The following TAFA4 variants were observed in gnomAD, a reference collection of about 807,000 sequenced individuals.
TAFA4 encodes the protein chemokine-like protein TAFA-4.
In TAFA4, 20 loss-of-function variants were observed where a neutral mutation model predicts 21.1. That is an observed-to-expected ratio of 0.95 (90% CI 0.67 to 1.38). The LOEUF is 1.38. Among genes scored for constraint, TAFA4 ranks in the 40% most tolerant of loss-of-function variants. The probability of loss-of-function intolerance (pLI) is 0.00; values close to 1 mark genes in which losing one functional copy is unlikely to be tolerated. For missense variants in TAFA4, 211 were observed against 180.9 expected (o/e 1.17, Z -0.95); for synonymous variants, 71 against 67.4 (o/e 1.05, Z -0.26).
intron 3 of TAFA4, among the ~76,000 whole-genome samples, chr3:68,820,082 A>G (rs1275718398): frequency 6.6e-6 from 1 of 152,220 alleles, no homozygotes; most frequent in Non-Finnish European, 1.5e-5. Context: ...GCATATATAC[A>G]CAATGCAATA....
intron 5 of TAFA4, 97 bp downstream of exon 5, chr3:68,738,978 A>G: frequency 6.5e-7 from 1 of 1,528,128 alleles, no homozygotes; most frequent in Non-Finnish European, 8.8e-7. Flanking sequence ...GTTTATTAAC[A>G]CATAATAATG....
At chr3:68,844,422 G>A (rs1245361751) in intron 3 of TAFA4, among the ~76,000 whole-genome samples, 2 of 149,924 alleles carry the variant, frequency 1.3e-5, no homozygotes, top group East Asian at 1.9e-4. Context: ...TTCTTTATTA[G>A]TCTGGCTAGT....
At chr3:68,758,447 T>C (rs1379572109) in intron 3 of TAFA4, among the ~76,000 whole-genome samples, 1 of 152,110 alleles carries the variant, frequency 6.6e-6, no homozygotes, top group Admixed American at 6.5e-5. Flanking sequence ...GATCTGATGG[T>C]TTTATAAAGG....
intron 1 of TAFA4, among the ~76,000 whole-genome samples, chr3:68,910,480 A>G (rs2089951118): frequency 6.6e-6 from 1 of 152,224 alleles, no homozygotes; most frequent in African/African-American, 2.4e-5. Context: ...AACAACAAAT[A>G]TAGTAAGATA....
intron 3 of TAFA4, among the ~76,000 whole-genome samples, chr3:68,874,833 T>C (rs772117963): frequency 6.6e-6 from 1 of 152,046 alleles, no homozygotes; most frequent in Non-Finnish European, 1.5e-5. Context: ...TGCTCATTTG[T>C]CAGACATTTC....
At chr3:68,815,046 A>G (rs900559785) in intron 3 of TAFA4, among the ~76,000 whole-genome samples, 1 of 152,224 alleles carries the variant, frequency 6.6e-6, no homozygotes, top group Admixed American at 6.5e-5. Flanking sequence ...CAAACCTGAC[A>G]AAAACAAGAA....
rs561739941 is a variant in TAFA4 at position 68,883,940 on chromosome 3, A to AAGGC, written c.14+1231_14+1234dup. ...GAGTGAGACCCTGTCTCAAAAAAAG[A>AAGGC]AGGCAGGCAGGCAGGCAGGCAGGGA... On this transcript the variant is annotated intron_variant, in intron 2 of 5. Transcript: ENST00000295569. Among the ~76,000 whole-genome samples, 49 of 151,508 alleles carry AAGGC rather than the reference A, an allele frequency of 3.2e-4. No homozygotes were observed. In the East Asian group the frequency reaches 5.3e-3, roughly 16 times the overall value.
chr3:68,891,136 G>T (rs1488121599), intron 1 of TAFA4, among the ~76,000 whole-genome samples: 3 of 152,134 alleles, frequency 2.0e-5, no homozygotes, highest in Non-Finnish European at 4.4e-5. Flanking sequence ...TTTCAGTGAA[G>T]ATATACCAGA....
chr3:68,772,431 G>A (rs1702974990), intron 3 of TAFA4, among the ~76,000 whole-genome samples: 1 of 152,132 alleles, frequency 6.6e-6, no homozygotes, highest in Admixed American at 6.5e-5. Context: ...CCAATTAGCT[G>A]GAGGCCCAGA....
At position 68,749,104 on chromosome 3, in the gene TAFA4, G is replaced by A. The variant is rs1177348262; in HGVS notation, c.286+3759C>T. On this transcript the variant is annotated intron_variant, in intron 4 of 5. Coordinates refer to ENST00000295569, the MANE Select transcript of TAFA4 (RefSeq NM_182522.5). ...TCACGATCAAATAATTCCCTGTCCCGTCTCCCAAATCCCCAATGTATATTA... is the reference window on the plus strand; with the variant it reads ...TCACGATCAAATAATTCCCTGTCCCATCTCCCAAATCCCCAATGTATATTA... 5.9e-5 allele frequency among the ~76,000 whole-genome samples: 9 copies of A among 152,206 alleles called. No homozygotes were observed. In the South Asian group the frequency reaches 8.3e-4, roughly 14 times the overall value.
intron 1 of TAFA4, among the ~76,000 whole-genome samples, chr3:68,904,124 T>C (rs1411556184): frequency 6.6e-6 from 1 of 152,110 alleles, no homozygotes; most frequent in Non-Finnish European, 1.5e-5. Flanking sequence ...CAAGTGCCTC[T>C]TGCAACCACT....
chr3:68,846,953 AC>A (rs1264628873), intron 3 of TAFA4, among the ~76,000 whole-genome samples: 2 of 151,504 alleles, frequency 1.3e-5, no homozygotes, highest in African/African-American at 4.9e-5. Context: ...ATGTCTGTCG[AC>A]CCCTGCTGGG....
chr3:68,759,518 C>T (rs745712833), intron 3 of TAFA4, among the ~76,000 whole-genome samples: 1 of 152,126 alleles, frequency 6.6e-6, no homozygotes, highest in Non-Finnish European at 1.5e-5. Context: ...ATGCCTTGTT[C>T]AATAAGCCTG....
At chr3:68,913,926 T>C (rs749109961) in intron 1 of TAFA4, among the ~76,000 whole-genome samples, 1 of 152,204 alleles carries the variant, frequency 6.6e-6, no homozygotes, top group South Asian at 2.1e-4. Context: ...GGATTTTAAA[T>C]AGTGCTTGGC....
intron 3 of TAFA4, among the ~76,000 whole-genome samples, chr3:68,798,465 A>G (rs893916501): frequency 3.9e-5 from 6 of 152,342 alleles, no homozygotes; most frequent in Admixed American, 3.3e-4. Flanking sequence ...GTAGAACCCT[A>G]TTAGAAATGT....
chr3:68,915,277 T>C (rs1047720045), intron 1 of TAFA4, among the ~76,000 whole-genome samples: 3 of 152,184 alleles, frequency 2.0e-5, no homozygotes. Flanking sequence ...TAGAACACTA[T>C]TACAAGATCT....
intron 3 of TAFA4, among the ~76,000 whole-genome samples, chr3:68,782,423 C>T (rs1203298579): frequency 6.6e-6 from 1 of 152,012 alleles, no homozygotes; most frequent in African/African-American, 2.4e-5. Flanking sequence ...GATGTTCAAA[C>T]AAAAACTTAT....
chr3:68,789,857 G>A lies in TAFA4; in HGVS notation c.131-36839C>T, dbSNP rs574061848. 9.9e-4 allele frequency among the ~76,000 whole-genome samples: 150 copies of A among 152,166 alleles called. 1 individual carries two copies. In the South Asian group the frequency reaches 0.02, roughly 20 times the overall value. ...TACCCACACACATCAATAAAACCGTGGTAACCTCTCACCTCTAAAATGAGG... is the reference window on the plus strand; with the variant it reads ...TACCCACACACATCAATAAAACCGTAGTAACCTCTCACCTCTAAAATGAGG... On this transcript the variant is annotated intron_variant, in intron 3 of 5. Coordinates refer to ENST00000295569, the MANE Select transcript of TAFA4 (RefSeq NM_182522.5).
intron 1 of TAFA4, among the ~76,000 whole-genome samples, chr3:68,926,346 CT>C (rs888941585): frequency 2.0e-5 from 3 of 151,490 alleles, no homozygotes; most frequent in Non-Finnish European, 2.9e-5. Flanking sequence ...GGGTGGGTTT[CT>C]TTTTTTTAAC....
Sources: allele counts gnomAD v4.1 joint callset (sites outside exome capture counted in the v4.1 genomes callset), GRCh38; gene constraint gnomAD v4.1.1; transcripts MANE v1.5; gene names NCBI Gene and HGNC (gene_info 2026-07-23, HGNC 2026-07-21).